MEGF11: variants seen among roughly 807,000 people sequenced by gnomAD.
The protein encoded by MEGF11 is multiple epidermal growth factor-like domains protein 11.
A neutral mutation model predicts 146.6 loss-of-function variants in MEGF11; 126 were observed. The observed-to-expected ratio is 0.86, with a 90% CI of 0.74 to 1.00. The LOEUF (loss-of-function observed/expected upper bound fraction) is 1.00, where lower values mean the gene tolerates loss of function less well. MEGF11 is among the 50% of genes least tolerant of loss of function. MEGF11 has a pLI of 0.00. For missense variants in MEGF11, 1,509 were observed against 1,521.2 expected, an observed-to-expected ratio of 0.99 and a Z score of 0.13; for synonymous variants, 532 against 583.4, an observed-to-expected ratio of 0.91 and a Z score of 1.27.
At chr15:66,132,262 G>A (rs1345160568) in intron 1 of MEGF11, among the ~76,000 whole-genome samples, 1 of 152,254 alleles carries the variant, frequency 6.6e-6, no homozygotes, top group Non-Finnish European at 1.5e-5. Context: ...CCAGACATTA[G>A]TTGCTCACAT....
intron 4 of MEGF11, among the ~76,000 whole-genome samples, chr15:66,102,718 C>T (rs2086877185): frequency 6.6e-6 from 1 of 152,206 alleles, no homozygotes; most frequent in South Asian, 2.1e-4. Context: ...GCTAGAATTA[C>T]AGGCATGAGC....
intron 5 of MEGF11, among the ~76,000 whole-genome samples, chr15:66,070,117 T>C (rs1208914229): frequency 1.3e-5 from 2 of 152,220 alleles, no homozygotes; most frequent in African/African-American, 4.8e-5. Flanking sequence ...AAAGTCACTC[T>C]GTCTGGGCTC....
At chr15:66,127,645 G>A (rs895534289) in intron 2 of MEGF11, among the ~76,000 whole-genome samples, 3 of 152,152 alleles carry the variant, frequency 2.0e-5, no homozygotes, top group Admixed American at 6.5e-5. Flanking sequence ...TCCTGATTGG[G>A]TCTCTGGTCA....
At chr15:66,206,528 T>C (rs113575233) in intron 1 of MEGF11, among the ~76,000 whole-genome samples, 24 of 152,212 alleles carry the variant, frequency 1.6e-4, no homozygotes, top group African/African-American at 5.5e-4. Flanking sequence ...GAAAAACAAT[T>C]GAAAGCAGCC....
Position 65,923,322 on chromosome 15 carries a change from AG to A in MEGF11, c.1676-354del, listed in dbSNP as rs527626054. Among the ~76,000 whole-genome samples, 7 of 152,370 alleles carry A rather than the reference AG, an allele frequency of 4.6e-5. No homozygotes were observed. In the South Asian group the frequency reaches 1.4e-3, roughly 32 times the overall value. The stretch of plus-strand genomic sequence containing the variant: ...AAGAGATGAGATTGTGGGAGTAAGA[AG>A]GGACCAGATCACAAGGGCCTCTTCT... On this transcript the variant is annotated intron_variant, in intron 13 of 25. Coordinates refer to ENST00000395614, the MANE Select transcript of MEGF11 (RefSeq NM_001385028.1).
At chr15:66,069,059 A>G (rs2140458184) in intron 5 of MEGF11, among the ~76,000 whole-genome samples, 1 of 152,228 alleles carries the variant, frequency 6.6e-6, no homozygotes, top group Non-Finnish European at 1.5e-5. Context: ...ATGGCTCCTT[A>G]CCCTCTCTCA....
In MEGF11 at chr15:66,128,400, C is replaced by T; in HGVS notation, c.4G>A (p.Val2Met). 6.7e-7 allele frequency: 1 copy of T among 1,494,882 alleles called. No homozygotes were observed. Among genetic ancestry groups the T allele is most frequent in the South Asian group, 1.3e-5 (1 of 74,878 alleles). 92.6% of individuals were successfully genotyped at this position (1,494,882 alleles called of 1,614,324 possible). ...GCAATGAGCCCCGTCAGGGAGAGCACCATCCCGGGCCCTGCACAGGAGAAC... is the reference window on the plus strand; with the variant it reads ...GCAATGAGCCCCGTCAGGGAGAGCATCATCCCGGGCCCTGCACAGGAGAAC... The part of the protein sequence containing the change: M[V>M]LSLTGLIAFS... The change falls in exon 2 of 26, where the codon GTG becomes ATG. Residue 2 changes from valine to methionine, a missense_variant. Physicochemically the swap from Val to Met is conservative, Grantham distance 21. Coordinates refer to ENST00000395614, the MANE Select transcript of MEGF11 (RefSeq NM_001385028.1).
intron 5 of MEGF11, among the ~76,000 whole-genome samples, chr15:66,017,058 G>T (rs1365606589): frequency 6.6e-6 from 1 of 152,218 alleles, no homozygotes. Flanking sequence ...TCCTTCCCAA[G>T]TTAAGTCATG....
chr15:66,248,289 C>T (rs2092323979), intron 1 of MEGF11, among the ~76,000 whole-genome samples: 2 of 152,212 alleles, frequency 1.3e-5, no homozygotes, highest in Non-Finnish European at 2.9e-5. Flanking sequence ...GCAGACATAA[C>T]CCAGACCTCT....
In MEGF11 at chr15:65,903,420, C is replaced by T. The variant is rs190291423; in HGVS notation, c.3055+2665G>A. Among the ~76,000 whole-genome samples the T allele has an allele frequency of 2.0e-3, 299 of 152,328 alleles. 1 individual carries two copies. Among genetic ancestry groups the T allele is most frequent in the Non-Finnish European group, 3.1e-3 (213 of 68,030 alleles). ...TGGTCTCCCTTAACCTCCGGGATGA[C>T]AGTGAGTGGAGTTCTTCAGTAAGTA... On this transcript the variant is annotated intron_variant, in intron 24 of 25. Coordinates refer to ENST00000395614, the MANE Select transcript of MEGF11 (RefSeq NM_001385028.1).
At chr15:65,993,798 A>G (rs561789125) in intron 5 of MEGF11, among the ~76,000 whole-genome samples, 17 of 152,154 alleles carry the variant, frequency 1.1e-4, no homozygotes, top group African/African-American at 4.1e-4. Context: ...TGAGGAGTGA[A>G]CTCCAGACAT....
chr15:66,045,208 G>A (rs1026341480), intron 5 of MEGF11, among the ~76,000 whole-genome samples: 4 of 152,308 alleles, frequency 2.6e-5, no homozygotes, highest in Admixed American at 1.3e-4. Flanking sequence ...TTTCTGTTTT[G>A]TAGCTCTACT....
At chr15:65,963,358 C>A (rs566422148) in intron 9 of MEGF11, among the ~76,000 whole-genome samples, 2 of 151,596 alleles carry the variant, frequency 1.3e-5, no homozygotes, top group South Asian at 4.1e-4. Context: ...ATCACATAGT[C>A]CTGGGTCACA....
chr15:66,245,853 TC>T (rs1382169433), intron 1 of MEGF11, among the ~76,000 whole-genome samples: 1 of 152,082 alleles, frequency 6.6e-6, no homozygotes, highest in Non-Finnish European at 1.5e-5. Context: ...TGCACTATGC[TC>T]TGAGGATGGC....
intron 5 of MEGF11, among the ~76,000 whole-genome samples, chr15:66,047,800 G>A (rs574254916): frequency 4.7e-4 from 71 of 152,228 alleles, no homozygotes; most frequent in Admixed American, 1.1e-3. Flanking sequence ...CTACAGGGAC[G>A]TCCCCCAGGA....
chr15:65,946,698 G>A (rs994532321), intron 10 of MEGF11, among the ~76,000 whole-genome samples: 1 of 152,166 alleles, frequency 6.6e-6, no homozygotes, highest in Admixed American at 6.5e-5. Flanking sequence ...AAGCCTGCGT[G>A]CTGGTTCTTA....
In MEGF11 at chr15:65,916,197, A is replaced by T; in HGVS notation, c.2295T>A (p.Ser765Arg). Residue 765 changes from serine to arginine, a missense_variant, in exon 18 of 26, where the codon AGT becomes AGA. Physicochemically the swap from Ser to Arg is moderately radical, Grantham distance 110. Coordinates refer to ENST00000395614, the MANE Select transcript of MEGF11 (RefSeq NM_001385028.1). The stretch of plus-strand genomic sequence containing the variant: ...AGCCTGTGCGGCAGGTGCACTTGCC[A>T]CTGATGTGGTCACAGCTGGCGCCAT... ...CQNGASCDHI[S>R]GKCTCRTGFT... is the part of the protein sequence containing the mutation. 6.3e-7 allele frequency: 1 copy of T among 1,581,680 alleles called. No individual in the cohort carries two copies. Among genetic ancestry groups the T allele is most frequent in the Non-Finnish European group, 8.6e-7 (1 of 1,163,860 alleles).
intron 4 of MEGF11, among the ~76,000 whole-genome samples, chr15:66,110,759 G>A (rs191048137): frequency 2.4e-4 from 37 of 152,232 alleles, no homozygotes; most frequent in African/African-American, 8.7e-4. Flanking sequence ...GGTTTAGCAG[G>A]GAGTTTTTAC....
At chr15:65,979,181 G>C (rs188300930) in intron 7 of MEGF11, among the ~76,000 whole-genome samples, 6 of 152,240 alleles carry the variant, frequency 3.9e-5, no homozygotes, top group Non-Finnish European at 2.9e-5. Flanking sequence ...GACAGGACTG[G>C]CTGCCTCAGA....
Sources: allele counts gnomAD v4.1 joint callset (sites outside exome capture counted in the v4.1 genomes callset), GRCh38; gene constraint gnomAD v4.1.1; transcripts MANE v1.5; gene names NCBI Gene and HGNC (gene_info 2026-07-23, HGNC 2026-07-21).